TBC1D22A: variants seen among roughly 807,000 people sequenced by gnomAD.
TBC1D22A encodes the protein putative GTPase activator.
Under a neutral mutation model 60.2 loss-of-function variants are expected in TBC1D22A, and 38 were observed. The observed-to-expected ratio is 0.63, with a 90% CI of 0.49 to 0.83. TBC1D22A has a LOEUF of 0.83. Among genes scored for constraint, TBC1D22A ranks in the 40% least tolerant of loss-of-function variants. The pLI is 0.00. For synonymous variants in TBC1D22A, 302 were observed against 281.7 expected (o/e 1.07, Z -0.72); for missense variants, 628 against 701.0 (o/e 0.90, Z 1.18).
At chr22:47,066,687 A>G (rs2063783235) in intron 11 of TBC1D22A, among the ~76,000 whole-genome samples, 1 of 152,210 alleles carries the variant, frequency 6.6e-6, no homozygotes, top group African/African-American at 2.4e-5. Flanking sequence ...CTCGGGAGGC[A>G]GCACTTGCCC....
At chr22:47,012,809 G>A (rs1033250553) in intron 10 of TBC1D22A, among the ~76,000 whole-genome samples, 2 of 152,156 alleles carry the variant, frequency 1.3e-5, no homozygotes, top group Non-Finnish European at 2.9e-5. Flanking sequence ...GCTCATGACC[G>A]CGGAGGACAT....
Position 47,173,979 on chromosome 22 carries a change from T to C in TBC1D22A, c.*353T>C. On this transcript the variant is annotated 3_prime_UTR_variant, in exon 13 of 13. Transcript: ENST00000337137. The stretch of plus-strand genomic sequence containing the variant: ...AGGAGGCCGACCCTCTTTGGAGTCC[T>C]GCTGTCTGGGTGCCAGGGCCGGAAC... 1 of 216,304 alleles carries C rather than the reference T, an allele frequency of 4.6e-6. No homozygotes were observed. The highest frequency in any genetic ancestry group is 9.3e-6 in the Non-Finnish European group (1 of 107,118). 13.4% of individuals were successfully genotyped at this position (216,304 alleles called of 1,614,324 possible).
intron 4 of TBC1D22A, among the ~76,000 whole-genome samples, chr22:46,800,520 G>A (rs1231798474): frequency 6.6e-6 from 1 of 152,196 alleles, no homozygotes; most frequent in Non-Finnish European, 1.5e-5. Context: ...AGTGGGTCCT[G>A]GAGCCGGGCT....
At chr22:46,917,463 G>A (rs756379441) in intron 8 of TBC1D22A, among the ~76,000 whole-genome samples, 1 of 152,168 alleles carries the variant, frequency 6.6e-6, no homozygotes, top group Admixed American at 6.5e-5. Flanking sequence ...GTAGAGGGGA[G>A]CGTGAACGAG....
chr22:47,094,220 A>G (rs1184166856), intron 11 of TBC1D22A, among the ~76,000 whole-genome samples: 2 of 152,222 alleles, frequency 1.3e-5, no homozygotes, highest in African/African-American at 4.8e-5. Flanking sequence ...GAAGGAACTC[A>G]GATAAAACAA....
intron 1 of TBC1D22A, chr22:46,774,330 C>G (rs910301697): frequency 2.2e-6 from 2 of 889,354 alleles, no homozygotes; most frequent in African/African-American, 1.8e-5. Context: ...TGCCTGGGCT[C>G]TTCCCATTTC....
chr22:47,025,634 A>C (rs1338482950), intron 10 of TBC1D22A, among the ~76,000 whole-genome samples: 1 of 152,240 alleles, frequency 6.6e-6, no homozygotes, highest in African/African-American at 2.4e-5. Flanking sequence ...TTAGAGGGAA[A>C]CCTATAGCAC....
intron 4 of TBC1D22A, among the ~76,000 whole-genome samples, chr22:46,826,106 C>A (rs2086051863): frequency 6.6e-6 from 1 of 152,094 alleles, no homozygotes; most frequent in Non-Finnish European, 1.5e-5. Flanking sequence ...TGGTCTCGAT[C>A]TCCTGACCTC....
At chr22:47,000,877 T>C (rs1453114451) in intron 10 of TBC1D22A, among the ~76,000 whole-genome samples, 1 of 151,782 alleles carries the variant, frequency 6.6e-6, no homozygotes. Flanking sequence ...CTTAAAAGCA[T>C]TGAATTGCTA....
chr22:47,084,354 G>A (rs1339316731), intron 11 of TBC1D22A, among the ~76,000 whole-genome samples: 2 of 152,184 alleles, frequency 1.3e-5, no homozygotes, highest in Admixed American at 1.3e-4. Flanking sequence ...CGACTGGACC[G>A]GCAGCTTCCG....
At chr22:46,792,914 C>G in intron 2 of TBC1D22A, 1 of 1,379,936 alleles carries the variant, frequency 7.2e-7, no homozygotes. Context: ...CCCGCATTCT[C>G]CACCAGCTGC....
At chr22:46,862,720 C>T (rs537236565) in intron 4 of TBC1D22A, among the ~76,000 whole-genome samples, 168 of 152,152 alleles carry the variant, frequency 1.1e-3, no homozygotes, top group Admixed American at 2.9e-3. Flanking sequence ...GATTGCCTCC[C>T]TGTAGCCATA....
intron 11 of TBC1D22A, among the ~76,000 whole-genome samples, chr22:47,101,692 A>G (rs2065422733): frequency 6.6e-6 from 1 of 152,250 alleles, no homozygotes; most frequent in African/African-American, 2.4e-5. Flanking sequence ...GAACAGGCCC[A>G]GCACTGGAGG....
chr22:46,907,791 G>A (rs748977052), intron 7 of TBC1D22A, among the ~76,000 whole-genome samples: 3 of 152,266 alleles, frequency 2.0e-5, no homozygotes, highest in African/African-American at 7.2e-5. Flanking sequence ...AGCCGGGGCA[G>A]TGCGGTGGAG....
intron 7 of TBC1D22A, among the ~76,000 whole-genome samples, chr22:46,909,998 C>T (rs779709256): frequency 2.6e-5 from 4 of 152,246 alleles, no homozygotes; most frequent in Admixed American, 2.0e-4. Context: ...AAATAGCATT[C>T]GCATCATTTG....
chr22:46,968,904 C>T (rs1206512288), intron 8 of TBC1D22A, among the ~76,000 whole-genome samples: 1 of 152,180 alleles, frequency 6.6e-6, no homozygotes, highest in Non-Finnish European at 1.5e-5. Context: ...GTTTACCTAC[C>T]CACCATTCAT....
At chr22:47,165,400 G>A (rs2068163876) in intron 12 of TBC1D22A, among the ~76,000 whole-genome samples, 1 of 152,230 alleles carries the variant, frequency 6.6e-6, no homozygotes, top group South Asian at 2.1e-4. Context: ...CTTTGCACCA[G>A]CACGGGTATC....
intron 8 of TBC1D22A, among the ~76,000 whole-genome samples, chr22:46,945,418 T>G (rs1436700090): frequency 6.6e-6 from 1 of 152,208 alleles, no homozygotes; most frequent in East Asian, 1.9e-4. Flanking sequence ...GAACTTTCCT[T>G]GTTATTATGT....
chr22:46,997,247 C>CTG (rs1424240210), intron 9 of TBC1D22A, among the ~76,000 whole-genome samples: 1 of 152,252 alleles, frequency 6.6e-6, no homozygotes, highest in Non-Finnish European at 1.5e-5. Context: ...CCCGGCAGGG[C>CTG]TGAGTGCTTA....
Sources: allele counts gnomAD v4.1 joint callset (sites outside exome capture counted in the v4.1 genomes callset), GRCh38; gene constraint gnomAD v4.1.1; transcripts MANE v1.5; gene names NCBI Gene and HGNC (gene_info 2026-07-23, HGNC 2026-07-21).